Variants in TTC7B observed in about 807,000 individuals in gnomAD.
TTC7B encodes tetratricopeptide repeat protein 7B.
Under a neutral mutation model 106.8 loss-of-function variants are expected in TTC7B, and 28 were observed. The ratio of observed to expected loss-of-function variants is 0.26; its 90% CI spans 0.19 to 0.36. The LOEUF (loss-of-function observed/expected upper bound fraction) is 0.36. Ranked by LOEUF, TTC7B falls within the 10% of genes least tolerant of loss-of-function variation. TTC7B has a pLI of 1.00. For synonymous variants in TTC7B, 405 were observed against 430.6 expected, an observed-to-expected ratio of 0.94 and a Z score of 0.74; for missense variants, 862 against 1,076.4, an observed-to-expected ratio of 0.80 and a Z score of 2.79.
chr14:90,727,413 G>A (rs1202807046), intron 5 of TTC7B, among the ~76,000 whole-genome samples: 3 of 152,212 alleles, frequency 2.0e-5, no homozygotes, highest in Non-Finnish European at 4.4e-5. Flanking sequence ...TAAACAATAG[G>A]GGCAATACTG....
intron 19 of TTC7B, among the ~76,000 whole-genome samples, chr14:90,550,663 G>A (rs1221749073): frequency 6.6e-6 from 1 of 152,138 alleles, no homozygotes; most frequent in Non-Finnish European, 1.5e-5. Flanking sequence ...CCGAGAGGAG[G>A]GGGGGCCCTT....
intron 19 of TTC7B, among the ~76,000 whole-genome samples, chr14:90,568,814 G>A (rs978854287): frequency 4.6e-5 from 7 of 152,212 alleles, no homozygotes; most frequent in South Asian, 2.1e-4. Flanking sequence ...GTGGATGGAC[G>A]GCAGAGGTTC....
At chr14:90,794,211 CTTTTTTTT>C (rs1186061223) in intron 1 of TTC7B, among the ~76,000 whole-genome samples, 2 of 45,126 alleles carry the variant, frequency 4.4e-5, no homozygotes, top group South Asian at 8.9e-4. Context: ...CTGGGTATTT[CTTTTTTTT>C]TTTTTTTTTT....
At chr14:90,560,989 GA>G (rs1890550689) in intron 19 of TTC7B, among the ~76,000 whole-genome samples, 1 of 152,300 alleles carries the variant, frequency 6.6e-6, no homozygotes, top group East Asian at 1.9e-4. Context: ...GAAAGGCCTG[GA>G]AAAATGCATG....
chr14:90,791,107 G>A (rs1891571927), intron 1 of TTC7B, among the ~76,000 whole-genome samples: 2 of 152,092 alleles, frequency 1.3e-5, no homozygotes, highest in Admixed American at 6.6e-5. Context: ...ACAGGTCCTG[G>A]CCAAGTGTCA....
Position 90,656,352 on chromosome 14 carries a change from G to A in TTC7B, c.1341+822C>T, listed in dbSNP as rs530227469. 8.5e-5 allele frequency among the ~76,000 whole-genome samples: 13 copies of A among 152,220 alleles called. No individual in the cohort carries two copies. The South Asian group carries it at 1.7e-3, about 19-fold the overall frequency. On this transcript the variant is annotated intron_variant, in intron 11 of 19. Transcript: ENST00000328459. ...AAAGAAAAGAAATTAGAACCCTATC[G>A]TATGTGGCAATTATCTATACCACCA...
chr14:90,709,691 AAATAAT>A (rs900247465), intron 5 of TTC7B, among the ~76,000 whole-genome samples: 1 of 152,016 alleles, frequency 6.6e-6, no homozygotes, highest in African/African-American at 2.4e-5. Context: ...TATAATAATA[AAATAAT>A]AATAATAATT....
intron 1 of TTC7B, among the ~76,000 whole-genome samples, 157 bp downstream of exon 1, chr14:90,816,018 C>A (rs1318057770): frequency 6.6e-6 from 1 of 150,916 alleles, no homozygotes; most frequent in African/African-American, 2.4e-5. Context: ...CCCGGGCTCC[C>A]CCAGGCCCCG....
intron 17 of TTC7B, among the ~76,000 whole-genome samples, chr14:90,598,753 A>G (rs1892314402): frequency 6.6e-6 from 1 of 152,268 alleles, no homozygotes; most frequent in Non-Finnish European, 1.5e-5. Flanking sequence ...CATGACACCT[A>G]TGGTGAATTT....
rs1889227570 is a variant in TTC7B, at chr14:90,529,323, T to TGTGACCTTGAGGGGGGGCC, written c.*12044_*12045insGGCCCCCCCTCAAGGTCAC. On this transcript the variant is annotated 3_prime_UTR_variant, in exon 20 of 20. Transcript: ENST00000328459. ...CTAATGACTGGCTACCACACAGAGG[T>TGTGACCTTGAGGGGGGGCC]TCCAGGCAGAGTCTAGCTACTGGAG... The TGTGACCTTGAGGGGGGGCC allele has an allele frequency of 6.6e-6, 1 of 152,294 alleles. No individual in the cohort carries two copies. The highest frequency in any genetic ancestry group is 1.5e-5 in the Non-Finnish European group (1 of 68,160). 9.4% of individuals were successfully genotyped at this position (152,294 alleles called of 1,614,324 possible).
chr14:90,610,824 C>T lies in TTC7B; in HGVS notation c.1884G>A (p.Gly628=). 2 of 1,613,642 alleles carry T rather than the reference C, an allele frequency of 1.2e-6. No homozygotes were observed. Among genetic ancestry groups the T allele is most frequent in the Non-Finnish European group, 8.5e-7 (1 of 1,179,600 alleles). Reference sequence around the variant, plus strand: ...CAATGGTTCTATCTAAGAGGCTGCTCCCACGTCCAGAATCACTGCAAAACA... The same window carrying T: ...CAATGGTTCTATCTAAGAGGCTGCTTCCACGTCCAGAATCACTGCAAAACA... ...NLTNPSDSGR[G]SSLLDRTIAD... is the part of the protein sequence containing the mutation. Residue 628 remains glycine (G), a synonymous_variant, in exon 17 of 20, where the codon GGG becomes GGA. Transcript: ENST00000328459.
chr14:90,781,500 C>G (rs1011223254), intron 2 of TTC7B, among the ~76,000 whole-genome samples: 1 of 152,208 alleles, frequency 6.6e-6, no homozygotes, highest in Non-Finnish European at 1.5e-5. Flanking sequence ...CCCTGCGGCT[C>G]CCTTCATCAG....
In TTC7B at chr14:90,786,298, G is replaced by A. The variant is rs374158727; in HGVS notation, c.152C>T (p.Ser51Leu). 5.2e-5 allele frequency: 84 copies of A among 1,613,104 alleles called. No homozygotes were observed. The highest frequency in any genetic ancestry group is 1.6e-4 in the Middle Eastern group (1 of 6,076). Residue 51 changes from serine to leucine, a missense_variant, in exon 2 of 20, where the codon TCG becomes TTG. Transcript: ENST00000328459. ...TTCCTTCAGGTACTGCTCCAGCTTC[G>A]ACTCCCCGAGGAGAAGCTCTGCCAT... ...DDMAELLLGE[S>L]KLEQYLKEHP...
At chr14:90,633,223 G>T (rs534140061) in intron 15 of TTC7B, among the ~76,000 whole-genome samples, 1 of 152,322 alleles carries the variant, frequency 6.6e-6, no homozygotes, top group Admixed American at 6.5e-5. Flanking sequence ...GGTTTGCTTT[G>T]TGGTGACATC....
At chr14:90,698,837 G>C in intron 5 of TTC7B, 1 of 204,190 alleles carries the variant, frequency 4.9e-6, no homozygotes, top group South Asian at 7.2e-5. Context: ...CCATTATGGA[G>C]AGCTCAGGCC....
Position 90,683,596 on chromosome 14 carries a change from T to G in TTC7B, c.951-3061A>C, listed in dbSNP as rs145866869. Among the ~76,000 whole-genome samples the G allele has an allele frequency of 5.0e-3, 765 of 152,328 alleles. 9 individuals are homozygous for G. Among genetic ancestry groups the G allele is most frequent in the African/African-American group, 0.018 (742 of 41,570 alleles). On this transcript the variant is annotated intron_variant, in intron 7 of 19. Transcript: ENST00000328459. ...AAGGACTATCGAGGCCTCACCACGC[T>G]TCCATTTTGTGTCAATTCATATAGG...
rs2030666757 is a variant in TTC7B, at chr14:90,807,283, G to A, written c.121+8892C>T. On this transcript the variant is annotated intron_variant, in intron 1 of 19. Transcript: ENST00000328459. The surrounding 1 kb of genome is among the most constrained non-coding windows in gnomAD (Gnocchi z 4.1). ...GTCTGACCTCTCCAGGCTCCCAGCT[G>A]CACCCTCTGTGCTTGTAAGCAATGC... 6.6e-6 allele frequency among the ~76,000 whole-genome samples: 1 copy of A among 152,068 alleles called. No homozygotes were observed. Among genetic ancestry groups the A allele is most frequent in the African/African-American group, 2.4e-5 (1 of 41,406 alleles).
intron 5 of TTC7B, among the ~76,000 whole-genome samples, chr14:90,729,791 G>T (rs1646914701): frequency 6.6e-6 from 1 of 152,206 alleles, no homozygotes; most frequent in African/African-American, 2.4e-5. Context: ...GCATGGGAAG[G>T]CATGGCTCCC....
chr14:90,737,874 G>T (rs1437726393), intron 4 of TTC7B, among the ~76,000 whole-genome samples: 3 of 152,100 alleles, frequency 2.0e-5, no homozygotes, highest in South Asian at 2.1e-4. Context: ...CTATTTCTAT[G>T]AAATGTCCAG....
Sources: gnomAD v4.1 joint callset for allele counts (sites outside exome capture counted in the v4.1 genomes callset) on GRCh38, gnomAD v4.1.1 for gene constraint, Gnocchi (gnomAD v3.1) non-coding constraint, MANE v1.5 for transcripts, NCBI Gene and HGNC (gene_info 2026-07-23, HGNC 2026-07-21) for gene names.